NAV2: variants seen among roughly 807,000 people sequenced by gnomAD.
NAV2 encodes the protein helicase, APC down-regulated 1.
In NAV2, 54 loss-of-function variants were observed where a neutral mutation model predicts 223.2. That is an observed-to-expected ratio of 0.24 (90% confidence interval 0.19 to 0.30). The LOEUF is 0.30. Ranked by LOEUF, NAV2 falls within the 10% of genes least tolerant of loss-of-function variation. NAV2 has a pLI of 1.00. For missense variants in NAV2, 2,806 were observed against 3,147.5 expected (o/e 0.89, Z 2.60); for synonymous variants, 1,279 against 1,239.3 (o/e 1.03, Z -0.67).
At chr11:19,689,285 C>T (rs2049102906) in intron 1 of NAV2, among the ~76,000 whole-genome samples, 1 of 152,230 alleles carries the variant, frequency 6.6e-6, no homozygotes, top group Non-Finnish European at 1.5e-5. Flanking sequence ...TCAAGGGAGT[C>T]AGCATGCCAA....
At chr11:19,821,044 C>T (rs1353621526) in intron 1 of NAV2, among the ~76,000 whole-genome samples, 2 of 152,254 alleles carry the variant, frequency 1.3e-5, no homozygotes, top group East Asian at 1.9e-4. Flanking sequence ...GGGCAAATCA[C>T]GAGGTCAGAA....
At chr11:19,492,943 A>G (rs914346598) in intron 1 of NAV2, among the ~76,000 whole-genome samples, 10 of 152,180 alleles carry the variant, frequency 6.6e-5, no homozygotes, top group Admixed American at 5.2e-4. Context: ...ACCAGATTCT[A>G]AGTCTCACCT....
chr11:19,979,428 G>A (rs531263759), intron 10 of NAV2, among the ~76,000 whole-genome samples: 60 of 152,126 alleles, frequency 3.9e-4, no homozygotes, highest in African/African-American at 1.4e-3. Context: ...TCTAACAATA[G>A]TGAACTACTT....
chr11:19,959,423 G>T (rs2048166463), intron 10 of NAV2, among the ~76,000 whole-genome samples: 3 of 152,228 alleles, frequency 2.0e-5, no homozygotes, highest in African/African-American at 7.2e-5. Flanking sequence ...TGAAACTAGA[G>T]CAGGTCCTGT....
chr11:19,878,293 G>C (rs2062982489), intron 4 of NAV2, among the ~76,000 whole-genome samples: 1 of 152,198 alleles, frequency 6.6e-6, no homozygotes, highest in Non-Finnish European at 1.5e-5. Context: ...AGCTGTATGA[G>C]AATCTCATTC....
At chr11:19,643,974 A>C (rs2047743532) in intron 1 of NAV2, among the ~76,000 whole-genome samples, 1 of 152,246 alleles carries the variant, frequency 6.6e-6, no homozygotes, top group Non-Finnish European at 1.5e-5. Context: ...CCTGGCATTT[A>C]ATCATCTCCA....
intron 6 of NAV2, among the ~76,000 whole-genome samples, chr11:19,918,466 T>A (rs1292303881): frequency 6.6e-6 from 1 of 152,252 alleles, no homozygotes; most frequent in Non-Finnish European, 1.5e-5. Context: ...GTAAGCATTC[T>A]TCATTGTGGA....
At chr11:19,896,853 A>G (rs557387018) in intron 6 of NAV2, among the ~76,000 whole-genome samples, 12 of 152,362 alleles carry the variant, frequency 7.9e-5, no homozygotes, top group Non-Finnish European at 1.5e-4. Flanking sequence ...AACTAGAAAT[A>G]CCATTTGACC....
intron 1 of NAV2, among the ~76,000 whole-genome samples, chr11:19,369,267 CT>C (rs1848391471): frequency 1.3e-5 from 2 of 152,160 alleles, no homozygotes; most frequent in Admixed American, 1.3e-4. Flanking sequence ...GACTAATTTT[CT>C]ACAGCAACTT....
intron 11 of NAV2, among the ~76,000 whole-genome samples, chr11:20,024,786 T>C (rs2054886481): frequency 6.6e-6 from 1 of 152,110 alleles, no homozygotes; most frequent in Non-Finnish European, 1.5e-5. Flanking sequence ...CTAAGATATA[T>C]TGGGAGCTTA....
At chr11:19,509,862 GA>G (rs11455959) in intron 1 of NAV2, among the ~76,000 whole-genome samples, 17 of 150,940 alleles carry the variant, frequency 1.1e-4, no homozygotes, top group African/African-American at 2.2e-4. Flanking sequence ...AAAGAAATAG[GA>G]AAAAAAAAAT....
At position 20,107,674 on chromosome 11, in the gene NAV2, C is replaced by T. The variant is rs2153711900; in HGVS notation, c.6852C>T (p.Leu2284=). 3 of 1,614,068 alleles carry T rather than the reference C, an allele frequency of 1.9e-6. No individual in the cohort carries two copies. Among genetic ancestry groups the T allele is most frequent in the Non-Finnish European group, 2.5e-6 (3 of 1,179,938 alleles). ...SSSDVTIGPR[L]FLSCPIDVDG... ...CACTGTGGTCTCCAGGCCCCCGGCT[C>T]TTCCTGTCATGCCCCATCGATGTGG... The change falls in exon 36 of 38, where the codon CTC becomes CTT. Residue 2284 remains leucine (L), a synonymous_variant. Transcript: ENST00000349880.
At chr11:19,944,814 TCTTC>T (rs2046739820) in intron 8 of NAV2, among the ~76,000 whole-genome samples, 1 of 147,056 alleles carries the variant, frequency 6.8e-6, no homozygotes, top group Admixed American at 6.8e-5. Flanking sequence ...GTCTTTTCTT[TCTTC>T]CTTGCTTGCT....
chr11:19,521,173 G>A (rs2043642105), intron 1 of NAV2, among the ~76,000 whole-genome samples: 1 of 152,162 alleles, frequency 6.6e-6, no homozygotes, highest in Non-Finnish European at 1.5e-5. Context: ...TCTTCCACTT[G>A]GGTCATTCAT....
intron 2 of NAV2, among the ~76,000 whole-genome samples, chr11:19,834,464 A>G (rs937353733): frequency 1.3e-5 from 2 of 152,084 alleles, no homozygotes; most frequent in African/African-American, 4.8e-5. Context: ...TTTAGTAACC[A>G]CTTATTGAGC....
At chr11:19,808,743 G>A (rs1473670589) in intron 1 of NAV2, among the ~76,000 whole-genome samples, 1 of 152,150 alleles carries the variant, frequency 6.6e-6, no homozygotes, top group Non-Finnish European at 1.5e-5. Context: ...CCTGGCTTAT[G>A]TTTCCAGTCA....
At chr11:19,346,174 C>T (rs541737831), upstream of NAV2, among the ~76,000 whole-genome samples, 2 of 152,294 alleles carry the variant, frequency 1.3e-5, no homozygotes, top group South Asian at 4.1e-4. Flanking sequence ...AGGCGTGCTT[C>T]CTCGTCTGTG....
At chr11:19,748,082 A>G (rs1039295576) in intron 1 of NAV2, among the ~76,000 whole-genome samples, 5 of 152,184 alleles carry the variant, frequency 3.3e-5, no homozygotes, top group African/African-American at 4.8e-5. Context: ...CTGATGTCAA[A>G]CGAGGCAGCT....
Position 19,521,535 on chromosome 11 carries a change from C to T in NAV2, c.75+170508C>T, listed in dbSNP as rs147912328. On this transcript the variant is annotated intron_variant, in intron 1 of 37. Coordinates refer to the NAV2 transcript ENST00000360655. ...TCGGGGAGGCAGAAGAAAATTCTCA[C>T]GCCCTGTGCAGCTCACAGTTTCATT... 7.0e-3 allele frequency among the ~76,000 whole-genome samples: 1,073 copies of T among 152,308 alleles called. 10 individuals carry two copies. Among genetic ancestry groups the T allele is most frequent in the African/African-American group, 0.024 (1,006 of 41,556 alleles).
Sources: gnomAD v4.1 joint callset for allele counts (sites outside exome capture counted in the v4.1 genomes callset) on GRCh38, gnomAD v4.1.1 for gene constraint, MANE v1.5 for transcripts, NCBI Gene and HGNC (gene_info 2026-07-23, HGNC 2026-07-21) for gene names.